PCDH9: variants seen among roughly 807,000 people sequenced by gnomAD.
PCDH9 encodes protocadherin-9.
A neutral mutation model predicts 70.6 loss-of-function variants in PCDH9; 24 were observed. The ratio of observed to expected loss-of-function variants is 0.34; its 90% CI spans 0.25 to 0.48. PCDH9 has a LOEUF of 0.48. Among genes scored for constraint, PCDH9 ranks in the 20% least tolerant of loss-of-function variants. The pLI is 0.99. For missense variants in PCDH9, 1,281 were observed against 1,503.6 expected, an observed-to-expected ratio of 0.85 and a Z score of 2.45; for synonymous variants, 562 against 558.5, an observed-to-expected ratio of 1.01 and a Z score of -0.09.
At chr13:66,993,977 T>C (rs2084055528) in intron 2 of PCDH9, among the ~76,000 whole-genome samples, 1 of 152,046 alleles carries the variant, frequency 6.6e-6, no homozygotes, top group Admixed American at 6.5e-5. Context: ...TTGTTAATTG[T>C]TGGAGGACTA....
At chr13:66,940,923 T>C (rs569985055) in intron 2 of PCDH9, among the ~76,000 whole-genome samples, 1 of 152,088 alleles carries the variant, frequency 6.6e-6, no homozygotes, top group East Asian at 1.9e-4. Context: ...CTCTTTAGGA[T>C]TCTTATGAAT....
intron 4 of PCDH9, among the ~76,000 whole-genome samples, chr13:66,364,872 A>T (rs867529891): frequency 1.3e-5 from 2 of 152,316 alleles, no homozygotes; most frequent in East Asian, 3.9e-4. Context: ...ACAACTGCCA[A>T]TGCGAACGGC....
At chr13:66,582,564 T>C (rs1261013681) in intron 4 of PCDH9, among the ~76,000 whole-genome samples, 2 of 151,872 alleles carry the variant, frequency 1.3e-5, no homozygotes, top group Non-Finnish European at 2.9e-5. Flanking sequence ...GCCTGGGAGG[T>C]GGAGGTTGCA....
intron 4 of PCDH9, among the ~76,000 whole-genome samples, chr13:66,498,254 C>G (rs1466954038): frequency 6.6e-6 from 1 of 151,908 alleles, no homozygotes; most frequent in Admixed American, 6.6e-5. Flanking sequence ...ACGCCATTCT[C>G]CTGCCTCAGC....
chr13:66,844,451 G>C (rs1049073797), intron 3 of PCDH9, among the ~76,000 whole-genome samples: 1 of 151,988 alleles, frequency 6.6e-6, no homozygotes, highest in Non-Finnish European at 1.5e-5. Context: ...TGGGCATGGT[G>C]GGGGGTGCCT....
chr13:66,353,680 C>G (rs1306412334), intron 4 of PCDH9, among the ~76,000 whole-genome samples: 2 of 151,992 alleles, frequency 1.3e-5, no homozygotes, highest in Non-Finnish European at 2.9e-5. Flanking sequence ...TTCAACTTTT[C>G]TATGCTTATT....
chr13:66,694,648 T>C (rs1700094377), intron 3 of PCDH9, among the ~76,000 whole-genome samples: 1 of 151,938 alleles, frequency 6.6e-6, no homozygotes, highest in Non-Finnish European at 1.5e-5. Context: ...ATGTATATAA[T>C]AAAAAAGATA....
intron 2 of PCDH9, chr13:67,203,935 T>C (rs899838703): frequency 2.0e-5 from 3 of 152,034 alleles, no homozygotes; most frequent in Admixed American, 2.0e-4. Flanking sequence ...GTAAACTTTG[T>C]AGAAGAGAAA....
chr13:66,543,671 G>T (rs1235847052), intron 4 of PCDH9, among the ~76,000 whole-genome samples: 1 of 151,896 alleles, frequency 6.6e-6, no homozygotes, highest in Non-Finnish European at 1.5e-5. Flanking sequence ...GTTAAAGAGG[G>T]TATACAGAAA....
intron 4 of PCDH9, chr13:66,306,394 G>T (rs982486018): frequency 1.3e-5 from 2 of 149,404 alleles, no homozygotes; most frequent in African/African-American, 4.9e-5. Flanking sequence ...CAAACCACAG[G>T]CAACATCAAA....
intron 4 of PCDH9, among the ~76,000 whole-genome samples, chr13:66,522,591 A>C (rs1457140211): frequency 1.3e-5 from 2 of 152,136 alleles, no homozygotes; most frequent in East Asian, 3.9e-4. Context: ...TTGCAAATAT[A>C]GTTAAAGAGA....
intron 2 of PCDH9, among the ~76,000 whole-genome samples, chr13:67,154,099 A>G (rs1202503209): frequency 6.6e-6 from 1 of 152,240 alleles, no homozygotes; most frequent in African/African-American, 2.4e-5. Flanking sequence ...TCTTCCTCCT[A>G]TAAGACAAAA....
intron 2 of PCDH9, among the ~76,000 whole-genome samples, chr13:67,163,534 T>C (rs1373850447): frequency 1.3e-5 from 2 of 152,240 alleles, no homozygotes; most frequent in Admixed American, 6.5e-5. Context: ...TTAAACTCTG[T>C]AATGTCAAAT....
chr13:66,568,319 T>C (rs955453552), intron 4 of PCDH9, among the ~76,000 whole-genome samples: 1 of 152,038 alleles, frequency 6.6e-6, no homozygotes, highest in South Asian at 2.1e-4. Flanking sequence ...AAAACAAATT[T>C]ATGTCATCTA....
intron 2 of PCDH9, among the ~76,000 whole-genome samples, chr13:67,004,565 AAAG>A (rs771949925): frequency 0.066 from 9,294 of 140,086 alleles, 342 homozygotes; most frequent in East Asian, 0.17. Context: ...AAAAAAAAAA[AAAG>A]AAAGAAAGAA....
At chr13:66,462,847 C>T (rs1958449797) in intron 4 of PCDH9, among the ~76,000 whole-genome samples, 1 of 151,730 alleles carries the variant, frequency 6.6e-6, no homozygotes, top group Non-Finnish European at 1.5e-5. Flanking sequence ...CTCCTATTTT[C>T]TACTATGTAA....
intron 4 of PCDH9, among the ~76,000 whole-genome samples, chr13:66,559,605 C>T (rs1329851963): frequency 1.3e-5 from 2 of 151,756 alleles, no homozygotes; most frequent in African/African-American, 4.8e-5. Flanking sequence ...TCGAGACCAT[C>T]CTGGCTAACA....
chr13:66,619,963 C>T (rs985620524), intron 4 of PCDH9, among the ~76,000 whole-genome samples: 11 of 152,120 alleles, frequency 7.2e-5, no homozygotes, highest in Non-Finnish European at 1.3e-4. Context: ...TTCCAATTTT[C>T]AATCACATTT....
intron 2 of PCDH9, among the ~76,000 whole-genome samples, chr13:67,176,797 AC>A (rs1463349897): frequency 6.6e-6 from 1 of 152,044 alleles, no homozygotes; most frequent in Admixed American, 6.6e-5. Flanking sequence ...ATGTGAGGAT[AC>A]TTTTATCAAC....
Sources: gnomAD v4.1 joint callset for allele counts (sites outside exome capture counted in the v4.1 genomes callset) on GRCh38, gnomAD v4.1.1 for gene constraint, MANE v1.5 for transcripts, NCBI Gene and HGNC (gene_info 2026-07-23, HGNC 2026-07-21) for gene names.